Variants in RBFOX1 observed in about 807,000 individuals in gnomAD.
RBFOX1 encodes RNA binding protein fox-1 homolog 1.
A neutral mutation model predicts 57.7 loss-of-function variants in RBFOX1; 8 were observed. The observed-to-expected ratio is 0.14, with a 90% CI of 0.08 to 0.25. The LOEUF is 0.25. Among genes scored for constraint, RBFOX1 ranks in the 10% least tolerant of loss-of-function variants. RBFOX1 has a pLI of 1.00. For missense variants in RBFOX1, 611 were observed against 548.5 expected, an observed-to-expected ratio of 1.11 and a Z score of -1.14; for synonymous variants, 326 against 222.4, an observed-to-expected ratio of 1.47 and a Z score of -4.15.
At chr16:6,557,359 T>G (rs1599763777) in intron 2 of RBFOX1, among the ~76,000 whole-genome samples, 1 of 152,080 alleles carries the variant, frequency 6.6e-6, no homozygotes, top group East Asian at 1.9e-4. Flanking sequence ...AAATAATTGC[T>G]AAGAATTATA....
At chr16:6,206,181 C>CA (rs1448634811) in intron 1 of RBFOX1, among the ~76,000 whole-genome samples, 3 of 152,148 alleles carry the variant, frequency 2.0e-5, no homozygotes, top group Non-Finnish European at 4.4e-5. Context: ...TCTTGCCTCT[C>CA]TCCCCTGGCT....
intron 5 of RBFOX1, among the ~76,000 whole-genome samples, chr16:7,554,521 G>T (rs551694563): frequency 1.3e-5 from 2 of 152,284 alleles, no homozygotes; most frequent in South Asian, 4.1e-4. Flanking sequence ...GGAGTAAACA[G>T]ACTTAGCTTC....
intron 4 of RBFOX1, among the ~76,000 whole-genome samples, chr16:7,485,587 T>A (rs1314032377): frequency 2.0e-5 from 3 of 152,042 alleles, no homozygotes. Flanking sequence ...TTGTCCCTAC[T>A]CCCCCAGGCA....
At chr16:5,556,377 C>T (rs1284721682) in intron 2 of RBFOX1, among the ~76,000 whole-genome samples, 3 of 152,136 alleles carry the variant, frequency 2.0e-5, no homozygotes, top group East Asian at 1.9e-4. Context: ...AGCTGTGAGC[C>T]GAGGAAGATG....
chr16:7,093,785 T>C (rs1268552300), intron 4 of RBFOX1, among the ~76,000 whole-genome samples: 1 of 152,164 alleles, frequency 6.6e-6, no homozygotes, highest in Non-Finnish European at 1.5e-5. Flanking sequence ...TTTTGTGTTT[T>C]CCTGAAATTC....
At chr16:6,637,434 A>G (rs2098453306) in intron 2 of RBFOX1, among the ~76,000 whole-genome samples, 2 of 15,482 alleles carry the variant, frequency 1.3e-4, no homozygotes, top group South Asian at 3.6e-3. Flanking sequence ...AATATATTAT[A>G]TAAATATATG....
intron 4 of RBFOX1, among the ~76,000 whole-genome samples, chr16:5,886,238 C>T (rs1333548630): frequency 4.6e-5 from 7 of 152,104 alleles, no homozygotes; most frequent in Non-Finnish European, 7.4e-5. Flanking sequence ...TGACTAATAC[C>T]GTTACCTTGG....
chr16:6,431,291 A>G (rs1253901671), intron 2 of RBFOX1, among the ~76,000 whole-genome samples: 2 of 152,074 alleles, frequency 1.3e-5, no homozygotes, highest in Admixed American at 1.3e-4. Flanking sequence ...GATGTGGTGC[A>G]AAGAGTCAAG....
intron 2 of RBFOX1, among the ~76,000 whole-genome samples, chr16:6,550,047 C>T (rs1453822481): frequency 2.0e-5 from 3 of 152,182 alleles, no homozygotes; most frequent in Non-Finnish European, 4.4e-5. Flanking sequence ...GGACACCATT[C>T]CATACTTTAT....
chr16:6,525,578 T>A (rs2096567009), intron 2 of RBFOX1, among the ~76,000 whole-genome samples: 1 of 152,166 alleles, frequency 6.6e-6, no homozygotes, highest in African/African-American at 2.4e-5. Flanking sequence ...TTCATTGTTC[T>A]GGAGACTGGG....
intron 3 of RBFOX1, among the ~76,000 whole-genome samples, chr16:6,709,626 A>T (rs894849233): frequency 6.6e-6 from 1 of 152,084 alleles, no homozygotes; most frequent in Admixed American, 6.5e-5. Context: ...ATTGCTCCTG[A>T]TTCGATCTAT....
At chr16:5,738,723 G>T (rs758152445) in intron 3 of RBFOX1, among the ~76,000 whole-genome samples, 4 of 151,920 alleles carry the variant, frequency 2.6e-5, no homozygotes, top group Admixed American at 1.3e-4. Context: ...TTCCACTGGG[G>T]CATTTGAATT....
At chr16:7,227,686 G>T (rs963371243) in intron 4 of RBFOX1, among the ~76,000 whole-genome samples, 1 of 152,142 alleles carries the variant, frequency 6.6e-6, no homozygotes, top group African/African-American at 2.4e-5. Context: ...CTTCCAGCGG[G>T]CATTTGGGTC....
At chr16:7,472,023 C>G (rs1411977881) in intron 4 of RBFOX1, among the ~76,000 whole-genome samples, 1 of 152,170 alleles carries the variant, frequency 6.6e-6, no homozygotes, top group Non-Finnish European at 1.5e-5. Flanking sequence ...AATTGGTGAA[C>G]ACACTTTAGT....
At chr16:6,951,005 C>T (rs965129226) in intron 3 of RBFOX1, among the ~76,000 whole-genome samples, 3 of 151,804 alleles carry the variant, frequency 2.0e-5, no homozygotes, top group Non-Finnish European at 4.4e-5. Context: ...TTCTAGGCTC[C>T]AGCGATCCTC....
chr16:6,003,619 G>C (rs1469171211), intron 4 of RBFOX1, among the ~76,000 whole-genome samples: 1 of 152,188 alleles, frequency 6.6e-6, no homozygotes, highest in African/African-American at 2.4e-5. Context: ...ACCTACATTG[G>C]AGTGTGCCAG....
intron 3 of RBFOX1, among the ~76,000 whole-genome samples, chr16:6,946,945 T>A (rs574872020): frequency 6.6e-6 from 1 of 152,264 alleles, no homozygotes; most frequent in African/African-American, 2.4e-5. Flanking sequence ...GGCTTTATGT[T>A]TGGGAGCCAT....
chr16:5,723,804 C>G (rs926678914), intron 3 of RBFOX1, among the ~76,000 whole-genome samples: 4 of 152,208 alleles, frequency 2.6e-5, no homozygotes, highest in African/African-American at 9.6e-5. Flanking sequence ...CAGTGGAGGT[C>G]TCATGGACTG....
At chr16:7,249,052 G>A (rs2094417171) in intron 4 of RBFOX1, among the ~76,000 whole-genome samples, 1 of 152,034 alleles carries the variant, frequency 6.6e-6, no homozygotes, top group African/African-American at 2.4e-5. Context: ...ATAGAGGGAG[G>A]GAAAAGTAGT....
Sources: gnomAD v4.1 joint callset for allele counts (sites outside exome capture counted in the v4.1 genomes callset) on GRCh38, gnomAD v4.1.1 for gene constraint, MANE v1.5 for transcripts, NCBI Gene and HGNC (gene_info 2026-07-23, HGNC 2026-07-21) for gene names.